The following PRELID3A variants were observed in gnomAD, a reference collection of about 807,000 sequenced individuals.
PRELID3A encodes PRELI domain containing 3A, also known as PRELI domain containing protein 3A.
Under a neutral mutation model 23.0 loss-of-function variants are expected in PRELID3A, and 27 were observed. The observed-to-expected ratio is 1.17, with a 90% confidence interval of 0.87 to 1.62. The LOEUF (loss-of-function observed/expected upper bound fraction) is 1.62. Among genes scored for constraint, PRELID3A ranks in the 40% most tolerant of loss-of-function variants. The probability of loss-of-function intolerance (pLI) is 0.00; values close to 1 mark genes in which losing one functional copy is unlikely to be tolerated. For synonymous variants in PRELID3A, 87 were observed against 86.4 expected (o/e 1.01, Z -0.04); for missense variants, 231 against 231.4 (o/e 1.00, Z 0.01).
At chr18:12,425,356 C>T (rs1458494166) in intron 3 of PRELID3A, among the ~76,000 whole-genome samples, 6 of 150,740 alleles carry the variant, frequency 4.0e-5, no homozygotes, top group African/African-American at 1.5e-4. Context: ...CGCAGTGGCT[C>T]ATGCCTGTAA....
chr18:12,411,934 G>A (rs1164040514), intron 1 of PRELID3A, among the ~76,000 whole-genome samples: 15 of 141,900 alleles, frequency 1.1e-4, no homozygotes, highest in Non-Finnish European at 2.0e-4. Context: ...TTTTTGAGAC[G>A]GAGTCTCGCT....
chr18:12,429,679 T>G (rs1021626176), intron 6 of PRELID3A, among the ~76,000 whole-genome samples: 25 of 152,202 alleles, frequency 1.6e-4, no homozygotes, highest in Admixed American at 1.6e-3. Context: ...GGTCGCATGG[T>G]GGCAGCTCGG....
chr18:12,408,527 T>C (rs1396652766), intron 1 of PRELID3A, among the ~76,000 whole-genome samples: 2 of 152,168 alleles, frequency 1.3e-5, no homozygotes, highest in Non-Finnish European at 2.9e-5. Context: ...TCGGGGGCCC[T>C]GGCTCTGAAC....
chr18:12,408,293 GGCGGGGGCAGCCGGA>G (rs1187717958), intron 1 of PRELID3A, among the ~76,000 whole-genome samples: 1 of 151,582 alleles, frequency 6.6e-6, no homozygotes, highest in East Asian at 1.9e-4. Flanking sequence ...CGACAGCCAG[GGCGGGGGCAGCCGGA>G]GCGGGGGCGG....
Position 12,420,292 on chromosome 18 carries a change from G to A in PRELID3A, c.33-33G>A, listed in dbSNP as rs773598814. The stretch of plus-strand genomic sequence containing the variant: ...TCACCCTTGCGGCCCCGGCCCCGGC[G>A]CTTGCTCACCGCCGCCTATGCTCTC... On this transcript the variant is annotated intron_variant, in intron 1 of 6. Transcript: ENST00000440960. The A allele has an allele frequency of 3.8e-6, 6 of 1,565,284 alleles. No individual in the cohort carries two copies. In the African/African-American group the frequency reaches 8.1e-5, roughly 21 times the overall value.
chr18:12,421,942 C>A (rs966046837), intron 3 of PRELID3A, among the ~76,000 whole-genome samples: 1 of 151,894 alleles, frequency 6.6e-6, no homozygotes, highest in Non-Finnish European at 1.5e-5. Flanking sequence ...AACCAGCAGA[C>A]GTTTTTGTTT....
intron 1 of PRELID3A, among the ~76,000 whole-genome samples, chr18:12,414,633 C>T (rs763803987): frequency 7.2e-5 from 11 of 152,034 alleles, no homozygotes; most frequent in East Asian, 1.9e-4. Flanking sequence ...AGCTGAGGCA[C>T]GAGAATTGCT....
chr18:12,420,132 G>A (rs2030106696), intron 1 of PRELID3A, 193 bp from the exon 2 acceptor site: 2 of 1,424,198 alleles, frequency 1.4e-6, no homozygotes, highest in East Asian at 5.1e-5. Flanking sequence ...GGGGCTGCCA[G>A]GTGCCGAGGC....
chr18:12,417,807 A>G (rs960652318), intron 1 of PRELID3A, among the ~76,000 whole-genome samples: 6 of 152,242 alleles, frequency 3.9e-5, no homozygotes, highest in Non-Finnish European at 8.8e-5. Flanking sequence ...CTGAATTCCT[A>G]GAGTGATCAG....
chr18:12,430,382 T>C (rs915029112), intron 6 of PRELID3A, among the ~76,000 whole-genome samples: 1 of 145,184 alleles, frequency 6.9e-6, no homozygotes, highest in African/African-American at 2.6e-5. Context: ...TGTGTGTGTG[T>C]GCAGCGTGTA....
At chr18:12,408,616 T>C (rs1464436446) in intron 1 of PRELID3A, among the ~76,000 whole-genome samples, 3 of 151,982 alleles carry the variant, frequency 2.0e-5, no homozygotes, top group East Asian at 3.9e-4. Flanking sequence ...GGCACACGGA[T>C]GGAAGTGGAG....
chr18:12,408,275 C>T (rs895515799), intron 1 of PRELID3A, among the ~76,000 whole-genome samples: 12 of 151,548 alleles, frequency 7.9e-5, no homozygotes, highest in African/African-American at 2.9e-4. Flanking sequence ...AGAGGCCCCG[C>T]TGGTGGTCGA....
chr18:12,427,247 T>G lies in PRELID3A; in HGVS notation c.389T>G (p.Ile130Ser), dbSNP rs771196060. 3 of 1,614,162 alleles carry G rather than the reference T, an allele frequency of 1.9e-6. No homozygotes were observed. The highest frequency in any genetic ancestry group is 1.7e-6 in the Non-Finnish European group (2 of 1,179,998). Residue 130 changes from isoleucine (I) to serine (S), a missense_variant, in exon 5 of 7, where the codon ATC becomes AGC. Coordinates refer to ENST00000440960, the MANE Select transcript of PRELID3A (RefSeq NM_001142405.2). Reference sequence around the variant, plus strand: ...ACCGTGCTCACACAAGAAGCCATCATCACTGTGAAGGGGATTAGCCTTGGT... The same window carrying G: ...ACCGTGCTCACACAAGAAGCCATCAGCACTGTGAAGGGGATTAGCCTTGGT... ...EMTVLTQEAI[I>S]TVKGISLGSY...
intron 1 of PRELID3A, among the ~76,000 whole-genome samples, chr18:12,416,588 A>G (rs1008330103): frequency 1.3e-5 from 2 of 150,500 alleles, no homozygotes; most frequent in Middle Eastern, 3.3e-3. Flanking sequence ...AAGTGCTGGG[A>G]TTTACAGGCA....
At chr18:12,416,379 G>A (rs1334459315) in intron 1 of PRELID3A, among the ~76,000 whole-genome samples, 1 of 152,100 alleles carries the variant, frequency 6.6e-6, no homozygotes, top group East Asian at 1.9e-4. Flanking sequence ...GTACAATCAT[G>A]GCTTGCTGCA....
At chr18:12,409,159 G>GTTTTTTTTTT (rs71371255) in intron 1 of PRELID3A, among the ~76,000 whole-genome samples, 7 of 66,484 alleles carry the variant, frequency 1.1e-4, no homozygotes, top group Admixed American at 2.6e-4. Context: ...CCCAGGCTGG[G>GTTTTTTTTTT]TTTTTTTTTT....
At chr18:12,408,269 G>A (rs1302120190) in intron 1 of PRELID3A, among the ~76,000 whole-genome samples, 1 of 151,680 alleles carries the variant, frequency 6.6e-6, no homozygotes, top group African/African-American at 2.4e-5. Flanking sequence ...AGGCACAGAG[G>A]CCCCGCTGGT....
chr18:12,421,515 A>C (rs749516316), intron 2 of PRELID3A, 25 bp from the exon 3 acceptor site: 1 of 1,437,610 alleles, frequency 7.0e-7, no homozygotes. Context: ...ACGTTCCACT[A>C]TGCTAGTTTT....
chr18:12,407,963 T>A lies in PRELID3A; in HGVS notation c.-13T>A. 1 of 1,295,018 alleles carries A rather than the reference T, an allele frequency of 7.7e-7. No individual in the cohort carries two copies. Among genetic ancestry groups the A allele is most frequent in the Non-Finnish European group, 9.8e-7 (1 of 1,023,246 alleles). 80.2% of individuals were successfully genotyped at this position (1,295,018 alleles called of 1,614,324 possible). On this transcript the variant is annotated 5_prime_UTR_variant, in exon 1 of 7. Coordinates refer to ENST00000440960, the MANE Select transcript of PRELID3A (RefSeq NM_001142405.2). Reference sequence around the variant, plus strand: ...GGCCCGGATCGCAGAGCCCGCGCCCTGCGCCGGCGGCAATGAAGATCTGGA... The same window carrying A: ...GGCCCGGATCGCAGAGCCCGCGCCCAGCGCCGGCGGCAATGAAGATCTGGA...
Sources: allele counts gnomAD v4.1 joint callset (sites outside exome capture counted in the v4.1 genomes callset), GRCh38; gene constraint gnomAD v4.1.1; transcripts MANE v1.5; gene names NCBI Gene and HGNC (gene_info 2026-07-23, HGNC 2026-07-21).